FLVCR1: variants seen among roughly 807,000 people sequenced by gnomAD.
FLVCR1 encodes choline/ethanolamine transporter FLVCR1.
A neutral mutation model predicts 53.6 loss-of-function variants in FLVCR1; 34 were observed. The ratio of observed to expected loss-of-function variants is 0.63; its 90% CI spans 0.48 to 0.84. The LOEUF (loss-of-function observed/expected upper bound fraction) is 0.84, where lower values mean the gene tolerates loss of function less well. Among genes scored for constraint, FLVCR1 ranks in the 40% least tolerant of loss-of-function variants. FLVCR1 has a pLI of 0.00. For missense variants in FLVCR1, 677 were observed against 696.7 expected, an observed-to-expected ratio of 0.97 and a Z score of 0.32; for synonymous variants, 300 against 286.3, an observed-to-expected ratio of 1.05 and a Z score of -0.48.
rs1169426429 is a variant in FLVCR1 at position 212,896,035 on chromosome 1, CCTTT to C, written c.*748_*751del. ...CTGTCTTGAGTTCTTTTCTGTGCTG[CCTTT>C]CTATCATGGATAAATGCTAACGCTG... On this transcript the variant is annotated 3_prime_UTR_variant, in exon 10 of 10. Coordinates refer to ENST00000366971, the MANE Select transcript of FLVCR1 (RefSeq NM_014053.4). 1.3e-5 allele frequency: 2 copies of C among 152,160 alleles called. No homozygotes were observed. The allele number at this position is 152,160 out of a possible 1,614,324, so 9.4% of individuals were successfully genotyped here.
At chr1:212,870,971 T>A (rs950981739) in intron 2 of FLVCR1, among the ~76,000 whole-genome samples, 1 of 152,186 alleles carries the variant, frequency 6.6e-6, no homozygotes, top group African/African-American at 2.4e-5. Context: ...GGTTTCACCA[T>A]GTTGGCCAGG....
At chr1:212,888,053 A>C in intron 6 of FLVCR1, 52 bp downstream of exon 6, 1 of 1,047,492 alleles carries the variant, frequency 9.5e-7, no homozygotes, top group Non-Finnish European at 1.5e-6. Context: ...TATAATTCTG[A>C]AGTATTATTA....
chr1:212,867,122 G>A (rs908743798), intron 2 of FLVCR1, among the ~76,000 whole-genome samples: 11 of 152,166 alleles, frequency 7.2e-5, no homozygotes, highest in Non-Finnish European at 1.5e-5. Flanking sequence ...TTTCCGCAAC[G>A]TGACATGTAC....
intron 3 of FLVCR1, among the ~76,000 whole-genome samples, chr1:212,875,137 C>G (rs1457734357): frequency 8.6e-6 from 1 of 115,888 alleles, no homozygotes; most frequent in African/African-American, 2.7e-5. Flanking sequence ...CAAATACCAA[C>G]TAAATGTATA....
chr1:212,865,981 G>GTTT (rs1319691717), intron 2 of FLVCR1, among the ~76,000 whole-genome samples: 7 of 41,294 alleles, frequency 1.7e-4, no homozygotes, highest in Non-Finnish European at 3.7e-4. Flanking sequence ...TTGGGGTTTG[G>GTTT]TTTTTTTTTT....
chr1:212,879,791 A>C (rs891537280), intron 3 of FLVCR1, among the ~76,000 whole-genome samples: 2 of 151,986 alleles, frequency 1.3e-5, no homozygotes. Context: ...TCCTGACCTC[A>C]TGTGATCCAT....
At chr1:212,888,665 C>T in intron 7 of FLVCR1, 71 bp downstream of exon 7, 1 of 1,154,744 alleles carries the variant, frequency 8.7e-7, no homozygotes. Context: ...TGAGTTTGAC[C>T]ATGGTTTTAT....
In FLVCR1 at chr1:212,895,992, C is replaced by G. The variant is rs1572032187; in HGVS notation, c.*702C>G. ...TTAGAATTATGTTCTAATTAAGGAG[C>G]CTGGTTACAGGTTCATTCTGTCTTG... On this transcript the variant is annotated 3_prime_UTR_variant, in exon 10 of 10. Transcript: ENST00000366971. 2 of 152,284 alleles carry G rather than the reference C, an allele frequency of 1.3e-5. No homozygotes were observed. Among genetic ancestry groups the G allele is most frequent in the Admixed American group, 1.3e-4 (2 of 15,288 alleles). 9.4% of individuals were successfully genotyped at this position (152,284 alleles called of 1,614,324 possible). A position where few individuals can be genotyped will look rare whatever the true frequency, so the allele number is the denominator to read the frequency against.
intron 2 of FLVCR1, among the ~76,000 whole-genome samples, chr1:212,867,604 A>G (rs1012607429): frequency 1.3e-5 from 2 of 152,192 alleles, no homozygotes; most frequent in South Asian, 2.1e-4. Context: ...AGATTCTTGC[A>G]TAAGTGGTAA....
intron 8 of FLVCR1, among the ~76,000 whole-genome samples, chr1:212,892,825 TAAG>T (rs2102574121): frequency 6.6e-6 from 1 of 152,238 alleles, no homozygotes; most frequent in Admixed American, 6.5e-5. Context: ...TAGATGCCAT[TAAG>T]AACATTCTTG....
chr1:212,879,473 C>T (rs1359792045), intron 3 of FLVCR1, among the ~76,000 whole-genome samples: 4 of 152,032 alleles, frequency 2.6e-5, no homozygotes, highest in East Asian at 1.9e-4. Flanking sequence ...AATAGAGCTT[C>T]GGGATCATAT....
At chr1:212,874,735 A>C (rs1048575026) in intron 3 of FLVCR1, among the ~76,000 whole-genome samples, 1 of 151,106 alleles carries the variant, frequency 6.6e-6, no homozygotes, top group Non-Finnish European at 1.5e-5. Context: ...CACCATGTTG[A>C]CCAGGCTGGT....
chr1:212,873,416 T>G (rs1304022449), intron 3 of FLVCR1, among the ~76,000 whole-genome samples: 1 of 152,236 alleles, frequency 6.6e-6, no homozygotes, highest in African/African-American at 2.4e-5. Context: ...TGAACTATAG[T>G]TATCCTGATG....
chr1:212,872,715 T>C lies in FLVCR1; in HGVS notation c.921T>C (p.Ala307=), dbSNP rs371840165. The change falls in exon 3 of 10, where the codon GCT becomes GCC. Residue 307 remains alanine (A), a synonymous_variant. Coordinates refer to ENST00000366971, the MANE Select transcript of FLVCR1 (RefSeq NM_014053.4). ...KEKPRYPPSQ[A]QAALQDSPPE... ...AACCTCGGTATCCACCAAGTCAGGC[T>C]CAAGCAGCTCTTCAAGACAGTCCCC... The C allele has an allele frequency of 6.2e-7, 1 of 1,613,888 alleles. No individual in the cohort carries two copies. Among genetic ancestry groups the C allele is most frequent in the Non-Finnish European group, 8.5e-7 (1 of 1,179,904 alleles).
chr1:212,858,484 C>CG lies in FLVCR1; in HGVS notation c.34dup (p.Val12GlyfsTer78). The CG allele has an allele frequency of 4.8e-6, 7 of 1,443,662 alleles. No homozygotes were observed. The highest frequency in any genetic ancestry group is 6.3e-6 in the Non-Finnish European group (7 of 1,103,238). The allele number at this position is 1,443,662 out of a possible 1,614,324, so 89.4% of individuals were successfully genotyped here. On this transcript the variant is annotated frameshift_variant, in exon 1 of 10. Coordinates refer to ENST00000366971, the MANE Select transcript of FLVCR1 (RefSeq NM_014053.4). LOFTEE classifies it high-confidence loss of function. ...CGGCCAGACGATGAGGAGGGGGCGG[C>CG]GGTGGCGCCCGGACACCCGCTCGCG...
chr1:212,860,238 A>T (rs1158500669), intron 1 of FLVCR1, among the ~76,000 whole-genome samples: 2 of 152,050 alleles, frequency 1.3e-5, no homozygotes, highest in East Asian at 3.9e-4. Context: ...AGTACAGAAG[A>T]TGGAGTAGGT....
chr1:212,874,428 C>T (rs1326923247), intron 3 of FLVCR1, among the ~76,000 whole-genome samples: 1 of 151,822 alleles, frequency 6.6e-6, no homozygotes, highest in African/African-American at 2.4e-5. Flanking sequence ...TAGGTTAAAC[C>T]TAAAATTCCT....
chr1:212,859,282 C>T, intron 1 of FLVCR1, 92 bp downstream of exon 1: 1 of 1,564,798 alleles, frequency 6.4e-7, no homozygotes, highest in Non-Finnish European at 8.8e-7. Context: ...GGATGAACTG[C>T]CCCAGGAGGT....
intron 1 of FLVCR1, among the ~76,000 whole-genome samples, chr1:212,861,912 C>G (rs577203382): frequency 8.5e-5 from 13 of 152,104 alleles, no homozygotes; most frequent in African/African-American, 3.1e-4. Flanking sequence ...CCTCGTGATC[C>G]CCCCACCTCG....
Sources: gnomAD v4.1 joint callset for allele counts (sites outside exome capture counted in the v4.1 genomes callset) on GRCh38, gnomAD v4.1.1 for gene constraint, MANE v1.5 for transcripts, NCBI Gene and HGNC (gene_info 2026-07-23, HGNC 2026-07-21) for gene names.